The following CAB39L variants were observed in gnomAD, a reference collection of about 807,000 sequenced individuals.
The protein encoded by CAB39L is calcium-binding protein 39-like.
Under a neutral mutation model 39.1 loss-of-function variants are expected in CAB39L, and 23 were observed. The ratio of observed to expected loss-of-function variants is 0.59; its 90% CI spans 0.42 to 0.83. The LOEUF (loss-of-function observed/expected upper bound fraction) is 0.83, where lower values mean the gene tolerates loss of function less well. CAB39L is among the 40% of genes least tolerant of loss of function. The probability of loss-of-function intolerance (pLI) is 0.00; values close to 1 mark genes in which losing one functional copy is unlikely to be tolerated. For missense variants in CAB39L, 366 were observed against 391.9 expected (o/e 0.93, Z 0.56); for synonymous variants, 126 against 137.2 (o/e 0.92, Z 0.57).
rs1441129128 is a variant in CAB39L, at chr13:49,415,212, T to TAAAAATA, written c.-32+18099_-32+18105dup. Among the ~76,000 whole-genome samples, 5 of 146,306 alleles carry TAAAAATA rather than the reference T, an allele frequency of 3.4e-5. No homozygotes were observed. In the South Asian group the frequency reaches 1.1e-3, roughly 32 times the overall value. On this transcript the variant is annotated intron_variant, in intron 3 of 10. Transcript: ENST00000409308. ...ACCCTGTCTCTAGAAATTTTAAAAA[T>TAAAAATA]AAAAATAAAAAATAAAAAATGTGGC...
At chr13:49,424,610 A>G (rs1957217589) in intron 3 of CAB39L, among the ~76,000 whole-genome samples, 2 of 152,234 alleles carry the variant, frequency 1.3e-5, no homozygotes, top group African/African-American at 4.8e-5. Flanking sequence ...GTAACATGTT[A>G]ATATGTAACA....
At chr13:49,406,637 G>C (rs1396815665) in intron 3 of CAB39L, among the ~76,000 whole-genome samples, 1 of 151,118 alleles carries the variant, frequency 6.6e-6, no homozygotes, top group East Asian at 1.9e-4. Flanking sequence ...TTAAAATTTT[G>C]AAAATTAAAA....
chr13:49,435,901 G>C (rs567592948), intron 1 of CAB39L, among the ~76,000 whole-genome samples: 2 of 152,272 alleles, frequency 1.3e-5, no homozygotes, highest in South Asian at 4.1e-4. Context: ...ATTTTACGAA[G>C]GTGTTTTCAT....
chr13:49,430,241 C>T (rs191537598), intron 3 of CAB39L, among the ~76,000 whole-genome samples: 1 of 152,228 alleles, frequency 6.6e-6, no homozygotes, highest in East Asian at 1.9e-4. Context: ...CTGCTAACTG[C>T]TATAGATAGT....
At chr13:49,311,140 C>A in intron 10 of CAB39L, 147 bp from the exon 11 acceptor site, 3 of 670,512 alleles carry the variant, frequency 4.5e-6, no homozygotes, top group East Asian at 2.6e-5. Flanking sequence ...GACTCTAATT[C>A]TCAGTGAGGG....
At position 49,385,974 on chromosome 13, in the gene CAB39L, T is replaced by C. The variant is rs116056967; in HGVS notation, c.-31-3033A>G. ...AAATGGCACCAATAGACTTCCTCAATGCAGGGTTGCCATAAACCTTCAATT... is the reference window on the plus strand; with the variant it reads ...AAATGGCACCAATAGACTTCCTCAACGCAGGGTTGCCATAAACCTTCAATT... On this transcript the variant is annotated intron_variant, in intron 3 of 10. Transcript: ENST00000409308. Among the ~76,000 whole-genome samples the C allele has an allele frequency of 9.2e-3, 1,400 of 152,084 alleles. 19 individuals are homozygous for C. Among genetic ancestry groups the C allele is most frequent in the African/African-American group, 0.03 (1,260 of 41,496 alleles).
chr13:49,382,195 G>A, intron 4 of CAB39L, among the ~76,000 whole-genome samples: 1 of 150,498 alleles, frequency 6.6e-6, no homozygotes, highest in East Asian at 1.9e-4. Flanking sequence ...TCTTCTATTT[G>A]GGCCAAGATT....
At chr13:49,316,624 T>C (rs1409288330) in intron 10 of CAB39L, among the ~76,000 whole-genome samples, 1 of 152,214 alleles carries the variant, frequency 6.6e-6, no homozygotes, top group Non-Finnish European at 1.5e-5. Flanking sequence ...TTCTATACCA[T>C]GACCAAGTGG....
At chr13:49,340,319 G>A (rs898596863) in intron 8 of CAB39L, among the ~76,000 whole-genome samples, 1 of 152,190 alleles carries the variant, frequency 6.6e-6, no homozygotes, top group Non-Finnish European at 1.5e-5. Flanking sequence ...AACACAGAGT[G>A]CTGGCATCTG....
At chr13:49,314,568 C>G (rs1168574516) in intron 10 of CAB39L, among the ~76,000 whole-genome samples, 4 of 152,206 alleles carry the variant, frequency 2.6e-5, no homozygotes, top group Non-Finnish European at 5.9e-5. Context: ...TCATCGAACA[C>G]TTAACCCTCA....
At chr13:49,320,924 A>G (rs1954320173) in intron 10 of CAB39L, among the ~76,000 whole-genome samples, 1 of 152,164 alleles carries the variant, frequency 6.6e-6, no homozygotes, top group South Asian at 2.1e-4. Flanking sequence ...ACAGAATTAG[A>G]CTGGACCCCA....
intron 3 of CAB39L, among the ~76,000 whole-genome samples, chr13:49,431,448 T>C (rs182067842): frequency 3.9e-5 from 6 of 152,342 alleles, no homozygotes; most frequent in African/African-American, 1.4e-4. Context: ...GGCTCACGTC[T>C]GTAATCCCAG....
chr13:49,387,272 C>G lies in CAB39L; in HGVS notation c.-31-4331G>C, dbSNP rs115328669. Among the ~76,000 whole-genome samples the G allele has an allele frequency of 7.7e-3, 1,167 of 152,256 alleles. 16 individuals carry two copies. Among genetic ancestry groups the G allele is most frequent in the African/African-American group, 0.027 (1,117 of 41,556 alleles). Reference sequence around the variant, plus strand: ...AAAAATAAAGTGCTTAAGCTGGGAACAAAAGGAATGGAGAGGCCTGACAAT... The same window carrying G: ...AAAAATAAAGTGCTTAAGCTGGGAAGAAAAGGAATGGAGAGGCCTGACAAT... On this transcript the variant is annotated intron_variant, in intron 3 of 10. Coordinates refer to ENST00000409308, the MANE Select transcript of CAB39L (RefSeq NM_001079670.3).
intron 4 of CAB39L, among the ~76,000 whole-genome samples, chr13:49,379,765 A>C (rs1313813184): frequency 4.0e-5 from 6 of 151,774 alleles, no homozygotes; most frequent in Admixed American, 3.9e-4. Flanking sequence ...TATTTTGGAA[A>C]ATATTATAAG....
intron 8 of CAB39L, among the ~76,000 whole-genome samples, chr13:49,340,678 G>GC (rs574186919): frequency 1.3e-5 from 2 of 152,256 alleles, no homozygotes; most frequent in South Asian, 2.1e-4. Context: ...CATCAGACAA[G>GC]CCTTGTGATA....
chr13:49,372,012 C>T (rs1472405424), intron 5 of CAB39L, among the ~76,000 whole-genome samples: 1 of 152,132 alleles, frequency 6.6e-6, no homozygotes, highest in Non-Finnish European at 1.5e-5. Context: ...TTTGCATCCA[C>T]CCTGGTTTTG....
At chr13:49,404,729 A>G (rs542291162) in intron 3 of CAB39L, among the ~76,000 whole-genome samples, 50 of 152,294 alleles carry the variant, frequency 3.3e-4, no homozygotes, top group Non-Finnish European at 6.5e-4. Context: ...TATAACAAAG[A>G]GACTGAAATA....
chr13:49,414,312 T>C (rs1308449910), intron 3 of CAB39L: 1 of 152,198 alleles, frequency 6.6e-6, no homozygotes, highest in Admixed American at 6.5e-5. Flanking sequence ...TGAGACAGAA[T>C]CTTGTATACT....
intron 5 of CAB39L, among the ~76,000 whole-genome samples, chr13:49,362,633 TACTG>T (rs1458445057): frequency 5.9e-5 from 9 of 151,682 alleles, no homozygotes; most frequent in African/African-American, 2.2e-4. Context: ...ATCTAAGACT[TACTG>T]ACCTTAAAGA....
Sources: allele counts gnomAD v4.1 joint callset (sites outside exome capture counted in the v4.1 genomes callset), GRCh38; gene constraint gnomAD v4.1.1; transcripts MANE v1.5; gene names NCBI Gene and HGNC (gene_info 2026-07-23, HGNC 2026-07-21).